Variants in RUBCN observed in about 807,000 individuals in gnomAD.
RUBCN encodes rubicon autophagy regulator, also known as run domain Beclin-1-interacting and cysteine-rich domain-containing protein.
Under a neutral mutation model 113.2 loss-of-function variants are expected in RUBCN, and 74 were observed. That is an observed-to-expected ratio of 0.65 (90% CI 0.54 to 0.79). The LOEUF (loss-of-function observed/expected upper bound fraction) is 0.79, where lower values mean the gene tolerates loss of function less well. Ranked by LOEUF, RUBCN falls within the 30% of genes least tolerant of loss-of-function variation. RUBCN has a pLI of 0.00. For synonymous variants in RUBCN, 480 were observed against 490.0 expected, an observed-to-expected ratio of 0.98 and a Z score of 0.27; for missense variants, 1,109 against 1,251.7, an observed-to-expected ratio of 0.89 and a Z score of 1.72.
chr3:197,709,183 TC>T (rs1724663292), intron 2 of RUBCN, among the ~76,000 whole-genome samples: 4 of 152,290 alleles, frequency 2.6e-5, no homozygotes. Context: ...CCTCACTTCG[TC>T]AATCAGTTAA....
chr3:197,689,248 C>T (rs1722169168), intron 11 of RUBCN, among the ~76,000 whole-genome samples: 1 of 151,960 alleles, frequency 6.6e-6, no homozygotes, highest in South Asian at 2.1e-4. Context: ...GGCTGGTCTC[C>T]AACTCTTGGC....
At chr3:197,703,127 G>A (rs1176966062) in intron 5 of RUBCN, among the ~76,000 whole-genome samples, 16 of 151,844 alleles carry the variant, frequency 1.1e-4, no homozygotes, top group South Asian at 4.2e-4. Flanking sequence ...GGCCGGGCGC[G>A]GTGGCTCAGG....
chr3:197,716,585 G>A (rs1725542427), intron 2 of RUBCN, among the ~76,000 whole-genome samples: 1 of 152,172 alleles, frequency 6.6e-6, no homozygotes, highest in South Asian at 2.1e-4. Context: ...CTTCCTGGCT[G>A]TGGTTGGCTA....
At chr3:197,721,630 T>C (rs1160877785) in intron 1 of RUBCN, among the ~76,000 whole-genome samples, 1 of 152,136 alleles carries the variant, frequency 6.6e-6, no homozygotes, top group Non-Finnish European at 1.5e-5. Context: ...TCTTTCCTTC[T>C]ACTAATTCTG....
Position 197,693,648 on chromosome 3 carries a change from C to T in RUBCN, c.1786+67G>A, listed in dbSNP as rs188077618. ...GATCTTCTACTTAGGAAACACTTCGCAGCTTATCATTCTAAATGGAAAGAA... is the reference window on the plus strand; with the variant it reads ...GATCTTCTACTTAGGAAACACTTCGTAGCTTATCATTCTAAATGGAAAGAA... On this transcript the variant is annotated intron_variant, in intron 11 of 19. Transcript: ENST00000296343. 1.4e-5 allele frequency: 15 copies of T among 1,076,904 alleles called. No individual in the cohort carries two copies. In the Admixed American group the frequency reaches 2.4e-4, roughly 17 times the overall value. The allele number at this position is 1,076,904 out of a possible 1,614,324, so 66.7% of individuals were successfully genotyped here.
intron 1 of RUBCN, among the ~76,000 whole-genome samples, chr3:197,719,983 T>G (rs73210129): frequency 0.023 from 3,522 of 152,324 alleles, 67 homozygotes; most frequent in Non-Finnish European, 0.033. Flanking sequence ...CATACACTGC[T>G]GTTAACCCTC....
chr3:197,675,328 A>G lies in RUBCN; in HGVS notation c.2740+94T>C, dbSNP rs1720251741. The G allele has an allele frequency of 2.0e-6, 3 of 1,492,824 alleles. No homozygotes were observed. The allele number at this position is 1,492,824 out of a possible 1,614,324, so 92.5% of individuals were successfully genotyped here. On this transcript the variant is annotated intron_variant, in intron 19 of 19. Coordinates refer to ENST00000296343, the MANE Select transcript of RUBCN (RefSeq NM_014687.4). The surrounding 1 kb of genome is among the most constrained non-coding windows in gnomAD (Gnocchi z 4.4). ...CCTGGGGAGGCCCCGCGAGGTGCTG[A>G]GTGGCACCGAACTCTTGCTAACAGG...
chr3:197,725,972 G>T (rs923974140), intron 1 of RUBCN, among the ~76,000 whole-genome samples: 3 of 152,126 alleles, frequency 2.0e-5, no homozygotes, highest in Non-Finnish European at 4.4e-5. Flanking sequence ...CTACTGCCAT[G>T]ATCTTATTCA....
chr3:197,749,098 A>G (rs1002961949), intron 1 of RUBCN, among the ~76,000 whole-genome samples: 9 of 152,252 alleles, frequency 5.9e-5, no homozygotes, highest in Non-Finnish European at 4.4e-5. Context: ...ATGAGGTAAG[A>G]AGAGAGGTAA....
chr3:197,675,205 G>A lies in RUBCN; in HGVS notation c.2741-9C>T. On this transcript the variant is annotated splice_polypyrimidine_tract_variant and intron_variant, in intron 19 of 19. Transcript: ENST00000296343. This position sits in a 1 kb window ranked among gnomAD's most constrained non-coding sequence, Gnocchi z 4.4. The stretch of plus-strand genomic sequence containing the variant: ...GTAACACGCTTTACACTCTACTCAG[G>A]TTGGGAAGGTGGGGGAGAGAAGAAA... The A allele has an allele frequency of 6.2e-7, 1 of 1,614,018 alleles. No homozygotes were observed. Among genetic ancestry groups the A allele is most frequent in the Non-Finnish European group, 8.5e-7 (1 of 1,179,982 alleles).
intron 11 of RUBCN, among the ~76,000 whole-genome samples, chr3:197,685,350 GACCAATCT>G (rs1244698158): frequency 1.3e-5 from 2 of 152,190 alleles, no homozygotes; most frequent in East Asian, 3.9e-4. Flanking sequence ...CCGACACAAT[GACCAATCT>G]ACCATGAGCA....
chr3:197,702,838 C>CT (rs2108909533), intron 5 of RUBCN, among the ~76,000 whole-genome samples: 1 of 152,146 alleles, frequency 6.6e-6, no homozygotes, highest in Non-Finnish European at 1.5e-5. Flanking sequence ...ATAAAATTTT[C>CT]TTTACATCAA....
At chr3:197,704,767 T>C (rs1259641856) in intron 3 of RUBCN, 66 bp from the exon 4 acceptor site, 2 of 1,513,982 alleles carry the variant, frequency 1.3e-6, no homozygotes, top group Admixed American at 1.7e-5. Context: ...TGAGGCCTAA[T>C]GACCTGAGAA....
At chr3:197,732,954 CAGG>C (rs1234491723) in intron 1 of RUBCN, among the ~76,000 whole-genome samples, 3 of 152,212 alleles carry the variant, frequency 2.0e-5, no homozygotes, top group Admixed American at 1.3e-4. Flanking sequence ...ATCAGGCTCT[CAGG>C]AGCTTTATGC....
In RUBCN at chr3:197,697,591, TTACGGGGCTCGGC is replaced by T. The variant is rs1322198225; in HGVS notation, c.1262-555_1262-543del. On this transcript the variant is annotated intron_variant, in intron 7 of 19. Transcript: ENST00000296343. The stretch of plus-strand genomic sequence containing the variant: ...AGGGCCCTGTAAGCAAAGGGCTCCG[TTACGGGGCTCGGC>T]CCGGCCTTACTGAAGAAGGGAGGGA... 3.3e-5 allele frequency among the ~76,000 whole-genome samples: 5 copies of T among 152,156 alleles called. No individual in the cohort carries two copies. The East Asian group carries it at 9.7e-4, about 29-fold the overall frequency.
intron 1 of RUBCN, among the ~76,000 whole-genome samples, chr3:197,747,272 A>G (rs1033524227): frequency 7.2e-5 from 11 of 152,040 alleles, no homozygotes; most frequent in Non-Finnish European, 1.3e-4. Context: ...GGGAAACCTG[A>G]AAGTCTGAAA....
In RUBCN at chr3:197,675,878, C is replaced by T. The variant is rs1306240124; in HGVS notation, c.2647-363G>A. Among the ~76,000 whole-genome samples the T allele has an allele frequency of 2.6e-5, 4 of 152,124 alleles. No individual in the cohort carries two copies. The highest frequency in any genetic ancestry group is 2.1e-4 in the South Asian group (1 of 4,824). On this transcript the variant is annotated intron_variant, in intron 18 of 19. Coordinates refer to ENST00000296343, the MANE Select transcript of RUBCN (RefSeq NM_014687.4). This position sits in a 1 kb window ranked among gnomAD's most constrained non-coding sequence, Gnocchi z 4.4. ...AAGCAATTAAGATAAAATGTGGAGA[C>T]GAGGCTGTTCCTCAAACACAGCTCC...
At chr3:197,726,544 C>A (rs1272716806) in intron 1 of RUBCN, among the ~76,000 whole-genome samples, 2 of 141,134 alleles carry the variant, frequency 1.4e-5, no homozygotes, top group Non-Finnish European at 3.0e-5. Flanking sequence ...CCGCGTCCAG[C>A]CTATTTTATT....
At chr3:197,719,394 C>T (rs1012559188) in intron 1 of RUBCN, among the ~76,000 whole-genome samples, 5 of 148,360 alleles carry the variant, frequency 3.4e-5, no homozygotes, top group African/African-American at 1.2e-4. Flanking sequence ...AGGAGAATCG[C>T]TTGAACCTGG....
Sources: allele counts gnomAD v4.1 joint callset (sites outside exome capture counted in the v4.1 genomes callset), GRCh38; gene constraint gnomAD v4.1.1; non-coding constraint Gnocchi (gnomAD v3.1); transcripts MANE v1.5; gene names NCBI Gene and HGNC (gene_info 2026-07-23, HGNC 2026-07-21).